Variants in AXIN2 observed in about 807,000 individuals in gnomAD.
AXIN2 encodes axin-2.
In AXIN2, 21 loss-of-function variants were observed where a neutral mutation model predicts 74.7. That is an observed-to-expected ratio of 0.28 (90% confidence interval 0.20 to 0.40). The LOEUF is 0.40. AXIN2 is among the 10% of genes least tolerant of loss of function. The pLI is 1.00. For synonymous variants in AXIN2, 532 were observed against 454.9 expected, an observed-to-expected ratio of 1.17 and a Z score of -2.16; for missense variants, 1,144 against 1,111.1, an observed-to-expected ratio of 1.03 and a Z score of -0.42.
Position 65,534,007 on chromosome 17 carries a change from G to A in AXIN2, c.2310C>T (p.Phe770=). The A allele has an allele frequency of 6.2e-7, 1 of 1,614,242 alleles. No homozygotes were observed. Among genetic ancestry groups the A allele is most frequent in the Non-Finnish European group, 8.5e-7 (1 of 1,180,044 alleles). Residue 770 remains phenylalanine (F), a synonymous_variant, in exon 10 of 11, where the codon TTC becomes TTT. Coordinates refer to ENST00000307078, the MANE Select transcript of AXIN2 (RefSeq NM_004655.4). The part of the protein sequence containing the change: ...QASELVVTYF[F]CGEEIPYRRM... ...TCCGGTATGGAATTTCTTCCCCACA[G>A]AAAAAGTAAGTGACAACCAACTCAC...
At chr17:65,537,912 C>T in intron 5 of AXIN2, 77 bp from the exon 6 acceptor site, 3 of 1,478,450 alleles carry the variant, frequency 2.0e-6, no homozygotes, top group Non-Finnish European at 2.7e-6. Context: ...CAACATTCGG[C>T]TCCCTACGCA....
intron 3 of AXIN2, among the ~76,000 whole-genome samples, chr17:65,547,785 T>G (rs2044137282): frequency 6.6e-6 from 1 of 152,142 alleles, no homozygotes; most frequent in South Asian, 2.1e-4. Context: ...GGAGGAATGC[T>G]TGCTAGAAGC....
At chr17:65,557,559 C>A (rs189385537) in intron 2 of AXIN2, among the ~76,000 whole-genome samples, 52 of 152,308 alleles carry the variant, frequency 3.4e-4, no homozygotes, top group Non-Finnish European at 6.6e-4. Flanking sequence ...TAATAAGTAA[C>A]CCACATTAGT....
chr17:65,558,588 C>G lies in AXIN2; in HGVS notation c.33G>C (p.Pro11=), dbSNP rs768626471. The G allele has an allele frequency of 1.2e-6, 2 of 1,610,340 alleles. No individual in the cohort carries two copies. Among genetic ancestry groups the G allele is most frequent in the Non-Finnish European group, 8.5e-7 (1 of 1,179,992 alleles). Residue 11 remains proline (P), a synonymous_variant, in exon 2 of 11, where the codon CCG becomes CCC. Transcript: ENST00000307078. ...CCTCACGGAAGCTGCTGCTGGGGTC[C>G]GGGAGGCAAGTCACCAACATAGCGC... MSSAMLVTCL[P]DPSSSFREDA...
In AXIN2 at chr17:65,558,136, T is replaced by G. The variant is rs370606806; in HGVS notation, c.485A>C (p.Lys162Thr). The change falls in exon 2 of 11, where the codon AAG (lysine) becomes ACG (threonine). Residue 162 changes from lysine to threonine, a missense_variant. By Grantham distance (78) the Lys-to-Thr change is moderately conservative. Around this residue, in one of 4 missense-constraint regions of AXIN2, gnomAD observed 1,053 missense variants for 973.5 expected, o/e 1.08. Transcript: ENST00000307078. ...CATGATGGAATCAATCTGCTGCTTC[T>G]TGATGCCATCTCTTATGTAGGTCTT... ...ATKTYIRDGI[K>T]KQQIDSIMFD... 1.2e-6 allele frequency: 2 copies of G among 1,614,174 alleles called. No homozygotes were observed. The highest frequency in any genetic ancestry group is 1.3e-5 in the African/African-American group (1 of 75,038).
chr17:65,538,073 C>T (rs1053427980), intron 5 of AXIN2, 130 bp downstream of exon 5: 6 of 1,518,160 alleles, frequency 4.0e-6, no homozygotes, highest in South Asian at 1.2e-5. Context: ...CACACCCACA[C>T]GCAGCCCACG....
At chr17:65,554,431 C>A (rs1285335316) in intron 2 of AXIN2, among the ~76,000 whole-genome samples, 1 of 152,246 alleles carries the variant, frequency 6.6e-6, no homozygotes, top group Non-Finnish European at 1.5e-5. Context: ...AAGGGACACT[C>A]GGCAAGGGGC....
chr17:65,552,794 C>T (rs574866763), intron 2 of AXIN2, among the ~76,000 whole-genome samples: 18 of 152,202 alleles, frequency 1.2e-4, no homozygotes, highest in East Asian at 3.9e-4. Flanking sequence ...TTTGGGAGGC[C>T]GAGATGGGTG....
chr17:65,557,206 G>A (rs959592026), intron 2 of AXIN2, among the ~76,000 whole-genome samples: 2 of 152,092 alleles, frequency 1.3e-5, no homozygotes, highest in African/African-American at 4.8e-5. Context: ...TCCTTCATTT[G>A]GGAAAGTCAC....
chr17:65,529,912 C>T lies in AXIN2; in HGVS notation c.*64G>A, dbSNP rs2043787673. 1.2e-6 allele frequency: 2 copies of T among 1,612,526 alleles called. No individual in the cohort carries two copies. Among genetic ancestry groups the T allele is most frequent in the South Asian group, 2.2e-5 (2 of 90,874 alleles). On this transcript the variant is annotated 3_prime_UTR_variant, in exon 11 of 11. Transcript: ENST00000307078. ...TTCAAAATGTTTTGTCGCAGTTGCT[C>T]ACAGCCAAGACAGTTCACAAGAGCT...
At chr17:65,551,994 TG>T (rs1375659659) in intron 2 of AXIN2, among the ~76,000 whole-genome samples, 3 of 152,204 alleles carry the variant, frequency 2.0e-5, no homozygotes, top group Non-Finnish European at 4.4e-5. Flanking sequence ...ACTCTGACCC[TG>T]TTCTCATATC....
chr17:65,548,193 T>C (rs1005658786), intron 3 of AXIN2, among the ~76,000 whole-genome samples: 3 of 152,252 alleles, frequency 2.0e-5, no homozygotes, highest in African/African-American at 7.2e-5. Context: ...GCCAAAATGC[T>C]ATTTTTATTA....
At chr17:65,537,992 G>T in intron 5 of AXIN2, 157 bp from the exon 6 acceptor site, 1 of 1,323,330 alleles carries the variant, frequency 7.6e-7, no homozygotes, top group Non-Finnish European at 1.0e-6. Flanking sequence ...GCCTACACAA[G>T]CACATATCCA....
intron 2 of AXIN2, among the ~76,000 whole-genome samples, chr17:65,552,021 G>A (rs1209695026): frequency 7.6e-6 from 1 of 132,014 alleles, no homozygotes; most frequent in Non-Finnish European, 1.6e-5. Flanking sequence ...AGGGCAAGAA[G>A]TCTCACGACC....
intron 2 of AXIN2, among the ~76,000 whole-genome samples, chr17:65,554,762 C>A (rs2044242842): frequency 6.6e-6 from 1 of 152,170 alleles, no homozygotes; most frequent in Non-Finnish European, 1.5e-5. Context: ...GCAGATGAGC[C>A]CCACCTTGGG....
rs775428814 is a variant in AXIN2 at position 65,538,667 on chromosome 17, C to CAAAAAAAAAAAAAAAAAAAAAAAAAAAAA, written c.1060-353_1060-325dup. Among the ~76,000 whole-genome samples, 33 of 35,828 alleles carry CAAAAAAAAAAAAAAAAAAAAAAAAAAAAA rather than the reference C, an allele frequency of 9.2e-4. 16 individuals carry two copies. Among genetic ancestry groups the CAAAAAAAAAAAAAAAAAAAAAAAAAAAAA allele is most frequent in the Non-Finnish European group, 1.2e-3 (25 of 20,322 alleles). The allele number at this position is 35,828 out of a possible 152,430, so 23.5% of individuals were successfully genotyped here. A position where few individuals can be genotyped will look rare whatever the true frequency, so the allele number is the denominator to read the frequency against. On this transcript the variant is annotated intron_variant, in intron 4 of 10. Coordinates refer to ENST00000307078, the MANE Select transcript of AXIN2 (RefSeq NM_004655.4). ...ATCTTCAAAGACTGTTGTCAACCAT[C>CAAAAAAAAAAAAAAAAAAAAAAAAAAAAA]AAAAAAAAAAAAAAAAAAAAAAAAA...
chr17:65,541,097 C>T (rs1374080771), intron 4 of AXIN2, among the ~76,000 whole-genome samples: 3 of 152,200 alleles, frequency 2.0e-5, no homozygotes, highest in Admixed American at 6.5e-5. Context: ...GGCTGGGTCT[C>T]GAACTCCTGA....
chr17:65,536,777 T>C (rs1390424832), intron 7 of AXIN2, 92 bp downstream of exon 7: 1 of 1,548,252 alleles, frequency 6.5e-7, no homozygotes, highest in Non-Finnish European at 8.9e-7. Flanking sequence ...CACATTTGTA[T>C]TCCGCGGACT....
rs747647668 is a variant in AXIN2 at position 65,549,532 on chromosome 17, G to A, written c.944C>T (p.Thr315Met). ...CCAGGATACTCACACACTGCTGTCC[G>A]TCATGGACATGGAATCATCCGTCAG... ...DALTDDSMSM[T>M]DSSVDGIPPY... is the part of the protein sequence containing the mutation. The change falls in exon 3 of 11, where the codon ACG becomes ATG. Residue 315 changes from threonine (T) to methionine (M), a missense_variant. By Grantham distance (81) the Thr-to-Met change is moderately conservative. Transcript: ENST00000307078. 12 of 1,612,378 alleles carry A rather than the reference G, an allele frequency of 7.4e-6. No individual in the cohort carries two copies. The highest frequency in any genetic ancestry group is 4.0e-5 in the African/African-American group (3 of 74,884).
Sources: allele counts gnomAD v4.1 joint callset (sites outside exome capture counted in the v4.1 genomes callset), GRCh38; gene constraint gnomAD v4.1.1; regional missense constraint gnomAD v4.1.1; transcripts MANE v1.5; gene names NCBI Gene and HGNC (gene_info 2026-07-23, HGNC 2026-07-21).